The following TTC31 variants were observed in gnomAD, a reference collection of about 807,000 sequenced individuals.
The protein encoded by TTC31 is tetratricopeptide repeat protein 31.
A neutral mutation model predicts 60.4 loss-of-function variants in TTC31; 59 were observed. The observed-to-expected ratio is 0.98, with a 90% CI of 0.79 to 1.21. The LOEUF (loss-of-function observed/expected upper bound fraction) is 1.21. TTC31 is among the 50% of genes most tolerant of loss of function. The pLI, the probability that TTC31 is intolerant of heterozygous loss-of-function variation, is 0.00. For missense variants in TTC31, 672 were observed against 646.9 expected (o/e 1.04, Z -0.42); for synonymous variants, 225 against 249.6 (o/e 0.90, Z 0.93).
chr2:74,490,930 G>C lies in TTC31; in HGVS notation c.546+191G>C. The C allele has an allele frequency of 3.4e-6, 3 of 893,460 alleles. No individual in the cohort carries two copies. In the South Asian group the frequency reaches 5.0e-5, roughly 15 times the overall value. The allele number at this position is 893,460 out of a possible 1,614,324, so 55.3% of individuals were successfully genotyped here. A position where few individuals can be genotyped will look rare whatever the true frequency, so the allele number is the denominator to read the frequency against. ...GGTGCAGTGGTTCTGGAATCCTACT[G>C]TGCTGCCTAGGTAGGAATCTGCCTC... On this transcript the variant is annotated intron_variant, in intron 5 of 12. Coordinates refer to ENST00000233623, the MANE Select transcript of TTC31 (RefSeq NM_022492.6).
At chr2:74,485,813 A>T (rs1385192536) in intron 2 of TTC31, among the ~76,000 whole-genome samples, 1 of 151,602 alleles carries the variant, frequency 6.6e-6, no homozygotes. Flanking sequence ...CATGTTGGTC[A>T]TGCTGATCTC....
chr2:74,483,312 T>C lies in TTC31; in HGVS notation c.41-10T>C, dbSNP rs553236961. The C allele has an allele frequency of 1.2e-6, 2 of 1,614,024 alleles. No homozygotes were observed. The highest frequency in any genetic ancestry group is 1.1e-5 in the South Asian group (1 of 91,072). On this transcript the variant is annotated splice_polypyrimidine_tract_variant and intron_variant, in intron 1 of 12. Transcript: ENST00000233623. Reference sequence around the variant, plus strand: ...GCCCGCTGACGAGGCTCCGCCTTCCTTTCCTGTAGACTGCTCTCTACGGCC... The same window carrying C: ...GCCCGCTGACGAGGCTCCGCCTTCCCTTCCTGTAGACTGCTCTCTACGGCC...
At chr2:74,486,259 C>T (rs530309643) in intron 2 of TTC31, among the ~76,000 whole-genome samples, 74 of 150,548 alleles carry the variant, frequency 4.9e-4, no homozygotes, top group Non-Finnish European at 7.1e-4. Flanking sequence ...GGTTAGACTC[C>T]GTCTCAAAAA....
intron 2 of TTC31, among the ~76,000 whole-genome samples, chr2:74,487,945 G>A (rs552020564): frequency 6.6e-6 from 1 of 152,294 alleles, no homozygotes; most frequent in Non-Finnish European, 1.5e-5. Context: ...CTCCCAAAGT[G>A]CTGGGATTAC....
At chr2:74,484,545 G>A (rs921699531) in intron 2 of TTC31, among the ~76,000 whole-genome samples, 6 of 151,454 alleles carry the variant, frequency 4.0e-5, no homozygotes, top group Middle Eastern at 3.4e-3. Context: ...TGCAACCTCC[G>A]CCTCTCTGGT....
At chr2:74,492,625 C>T (rs1360061588) in intron 11 of TTC31, 21 bp from the exon 12 acceptor site, 1 of 1,613,096 alleles carries the variant, frequency 6.2e-7, no homozygotes, top group South Asian at 1.1e-5. Flanking sequence ...TCTTTTCTTT[C>T]TGATCCCTCT....
At position 74,492,247 on chromosome 2, in the gene TTC31, C is replaced by T. The variant is rs1381033300; in HGVS notation, c.1019+18C>T. The T allele has an allele frequency of 6.2e-7, 1 of 1,614,034 alleles. No individual in the cohort carries two copies. The highest frequency in any genetic ancestry group is 8.5e-7 in the Non-Finnish European group (1 of 1,179,996). ...GACCACCGGTAGGTGGGGGCTTGGCCAGGGCAGGGCAGAGTGTTGAGGACT... is the reference window on the plus strand; with the variant it reads ...GACCACCGGTAGGTGGGGGCTTGGCTAGGGCAGGGCAGAGTGTTGAGGACT... On this transcript the variant is annotated intron_variant, in intron 10 of 12. Transcript: ENST00000233623.
chr2:74,489,814 G>A (rs893691887), intron 2 of TTC31, among the ~76,000 whole-genome samples: 1 of 152,158 alleles, frequency 6.6e-6, no homozygotes, highest in Non-Finnish European at 1.5e-5. Context: ...TGGGAAGGCA[G>A]GAAAGCAGCG....
chr2:74,492,903 C>G lies in TTC31; in HGVS notation c.1264-19C>G. On this transcript the variant is annotated intron_variant, in intron 12 of 12. Coordinates refer to ENST00000233623, the MANE Select transcript of TTC31 (RefSeq NM_022492.6). ...CTGCTTAAAAGAAGGATCTGGTGCC[C>G]TTCTCTCTCCCTTCTCAGCAGGGTC... The G allele has an allele frequency of 6.3e-7, 1 of 1,589,784 alleles. No homozygotes were observed. Among genetic ancestry groups the G allele is most frequent in the Non-Finnish European group, 8.6e-7 (1 of 1,163,682 alleles).
In TTC31 at chr2:74,490,458, C is replaced by G; in HGVS notation, c.447C>G (p.Leu149=). The change falls in exon 4 of 13, where the codon CTC becomes CTG. Residue 149 remains leucine, a synonymous_variant. Coordinates refer to ENST00000233623, the MANE Select transcript of TTC31 (RefSeq NM_022492.6). ...SLLQVAMPQK[L]LVTEEEANRL... is the part of the protein sequence containing the mutation. ...TTCAGGTGGCCATGCCCCAGAAGCT[C>G]CTGGTGACAGAAGAGGTGAGATTCT... 6.2e-7 allele frequency: 1 copy of G among 1,609,654 alleles called. No homozygotes were observed. Among genetic ancestry groups the G allele is most frequent in the Non-Finnish European group, 8.5e-7 (1 of 1,178,002 alleles).
intron 2 of TTC31, among the ~76,000 whole-genome samples, chr2:74,487,665 T>G (rs1673289538): frequency 6.6e-6 from 1 of 151,930 alleles, no homozygotes; most frequent in African/African-American, 2.4e-5. Context: ...GCTTTATTTA[T>G]TTATTATTAA....
chr2:74,490,747 G>C lies in TTC31; in HGVS notation c.546+8G>C. 5 of 1,610,982 alleles carry C rather than the reference G, an allele frequency of 3.1e-6. No homozygotes were observed. The highest frequency in any genetic ancestry group is 4.2e-6 in the Non-Finnish European group (5 of 1,178,588). Reference sequence around the variant, plus strand: ...AAGCGACTCAAGAAGAAGGTGGCTAGAGCATGGCTGGAGGGTGCAGGGGAG... The same window carrying C: ...AAGCGACTCAAGAAGAAGGTGGCTACAGCATGGCTGGAGGGTGCAGGGGAG... On this transcript the variant is annotated splice_region_variant and intron_variant, in intron 5 of 12. Coordinates refer to ENST00000233623, the MANE Select transcript of TTC31 (RefSeq NM_022492.6).
At position 74,490,401 on chromosome 2, in the gene TTC31, TG is replaced by T. The variant is rs1673707190; in HGVS notation, c.391del (p.Ala131ProfsTer21). 6.2e-7 allele frequency: 1 copy of T among 1,613,956 alleles called. No homozygotes were observed. The highest frequency in any genetic ancestry group is 1.3e-5 in the African/African-American group (1 of 74,918). On this transcript the variant is annotated frameshift_variant, in exon 4 of 13. Coordinates refer to ENST00000233623, the MANE Select transcript of TTC31 (RefSeq NM_022492.6). LOFTEE classifies it high-confidence loss of function. ...EPCPQSPSAS[A>X]TFPSVSDSLL... ...CCTGCCCTCAAAGCCCCTCTGCCTC[TG>T]CCACCTTCCCCAGTGTCTCAGACAG...
At chr2:74,490,870 G>A in intron 5 of TTC31, 131 bp downstream of exon 5, 2 of 1,029,344 alleles carry the variant, frequency 1.9e-6, no homozygotes, top group Admixed American at 2.5e-5. Context: ...GGACACAAGG[G>A]GCCCAGGGAC....
chr2:74,493,218 AG>A lies in TTC31; in HGVS notation c.*5del, dbSNP rs920929678. 9 of 1,613,862 alleles carry A rather than the reference AG, an allele frequency of 5.6e-6. No homozygotes were observed. The African/African-American group carries it at 1.1e-4, about 19-fold the overall frequency. The stretch of plus-strand genomic sequence containing the variant: ...TCCAGCATCTGTCTCAGGCCAGATG[AG>A]GGGGCACCGGTCCCTCATAGGGCAG... On this transcript the variant is annotated 3_prime_UTR_variant, in exon 13 of 13. Transcript: ENST00000233623.
intron 11 of TTC31, 69 bp downstream of exon 11, chr2:74,492,514 C>G (rs1363249429): frequency 5.9e-6 from 9 of 1,533,694 alleles, no homozygotes; most frequent in Non-Finnish European, 7.9e-6. Flanking sequence ...TCTATGTTGA[C>G]TTTCTAGATA....
intron 1 of TTC31, 83 bp from the exon 2 acceptor site, chr2:74,483,237 GGC>G: frequency 6.2e-7 from 1 of 1,613,182 alleles, no homozygotes; most frequent in Non-Finnish European, 8.5e-7. Context: ...TTATGCAGAG[GGC>G]GGAGAGTCGA....
Position 74,490,721 on chromosome 2 carries a change from A to C in TTC31, c.528A>C (p.Lys176Asn). 7 of 1,613,428 alleles carry C rather than the reference A, an allele frequency of 4.3e-6. No individual in the cohort carries two copies. Among genetic ancestry groups the C allele is most frequent in the Non-Finnish European group, 5.9e-6 (7 of 1,179,710 alleles). The change falls in exon 5 of 13, where the codon AAA becomes AAC. Residue 176 changes from lysine to asparagine, a missense_variant. Physicochemically the swap from Lys to Asn is moderately conservative, Grantham distance 94. Coordinates refer to ENST00000233623, the MANE Select transcript of TTC31 (RefSeq NM_022492.6). ...AGCGCATGAAACAGAAAGCAGAGAA[A>C]AAGCGACTCAAGAAGAAGGTGGCTA... Reference protein sequence around the residue: ...EEERMKQKAEKKRLKKKRQKE... With the variant: ...EEERMKQKAENKRLKKKRQKE...
chr2:74,485,809 G>A (rs1246497406), intron 2 of TTC31, among the ~76,000 whole-genome samples: 1 of 151,278 alleles, frequency 6.6e-6, no homozygotes, highest in Non-Finnish European at 1.5e-5. Context: ...TCTCCATGTT[G>A]GTCATGCTGA....
Sources: allele counts gnomAD v4.1 joint callset (sites outside exome capture counted in the v4.1 genomes callset), GRCh38; gene constraint gnomAD v4.1.1; transcripts MANE v1.5; gene names NCBI Gene and HGNC (gene_info 2026-07-23, HGNC 2026-07-21).